Variants in DCC observed in about 807,000 individuals in gnomAD.
DCC encodes netrin receptor DCC.
Under a neutral mutation model 172.5 loss-of-function variants are expected in DCC, and 58 were observed. The ratio of observed to expected loss-of-function variants is 0.34; its 90% CI spans 0.27 to 0.42. DCC has a LOEUF of 0.42. Among genes scored for constraint, DCC ranks in the 10% least tolerant of loss-of-function variants. The pLI, the probability that DCC is intolerant of heterozygous loss-of-function variation, is 1.00. For synonymous variants in DCC, 709 were observed against 644.5 expected, an observed-to-expected ratio of 1.10 and a Z score of -1.52; for missense variants, 1,740 against 1,791.0, an observed-to-expected ratio of 0.97 and a Z score of 0.51.
chr18:52,405,981 T>A (rs1372892564), intron 1 of DCC, among the ~76,000 whole-genome samples: 1 of 150,824 alleles, frequency 6.6e-6, no homozygotes, highest in Non-Finnish European at 1.5e-5. Flanking sequence ...GAGATATAGA[T>A]CAATGGAACA....
intron 1 of DCC, among the ~76,000 whole-genome samples, chr18:52,571,705 G>A (rs755849142): frequency 2.0e-4 from 31 of 152,128 alleles, no homozygotes; most frequent in Non-Finnish European, 3.8e-4. Context: ...AGTGGAGGCT[G>A]GTGAGGTCTT....
chr18:53,414,406 G>A lies in DCC; in HGVS notation c.3131-1718G>A, dbSNP rs567867930. Among the ~76,000 whole-genome samples, 4 of 152,250 alleles carry A rather than the reference G, an allele frequency of 2.6e-5. No individual in the cohort carries two copies. In the South Asian group the frequency reaches 8.3e-4, roughly 32 times the overall value. ...TGGGAGGAAACTTTGGGAGTTTGGGGCAAGTCTGTGGCTTTGAAGGTGGTG... is the reference window on the plus strand; with the variant it reads ...TGGGAGGAAACTTTGGGAGTTTGGGACAAGTCTGTGGCTTTGAAGGTGGTG... On this transcript the variant is annotated intron_variant, in intron 20 of 28. Transcript: ENST00000442544.
chr18:53,153,967 C>T (rs575241684), intron 7 of DCC, among the ~76,000 whole-genome samples: 3 of 152,292 alleles, frequency 2.0e-5, no homozygotes, highest in Middle Eastern at 3.4e-3. Flanking sequence ...CTGAGCTGTT[C>T]GAATATTTGC....
intron 5 of DCC, among the ~76,000 whole-genome samples, chr18:52,983,540 G>T (rs1362656979): frequency 6.6e-6 from 1 of 152,146 alleles, no homozygotes; most frequent in Admixed American, 6.6e-5. Context: ...AAGAGGGTCA[G>T]TTCCCTAGCT....
At chr18:53,026,875 C>G (rs560533953) in intron 5 of DCC, among the ~76,000 whole-genome samples, 174 of 152,128 alleles carry the variant, frequency 1.1e-3, no homozygotes, top group African/African-American at 3.8e-3. Flanking sequence ...CCCCCTCTTT[C>G]TTTAAAAGCA....
chr18:52,828,154 C>A (rs1222352649), intron 2 of DCC, among the ~76,000 whole-genome samples: 1 of 152,164 alleles, frequency 6.6e-6, no homozygotes, highest in Non-Finnish European at 1.5e-5. Context: ...CTCCTCAGTT[C>A]ATACTCTACA....
At chr18:52,748,730 G>A (rs139526114) in intron 1 of DCC, among the ~76,000 whole-genome samples, 173 of 152,322 alleles carry the variant, frequency 1.1e-3, no homozygotes, top group African/African-American at 3.8e-3. Context: ...GATAACTGGA[G>A]AGTGAGCAAG....
rs755118442 is a variant in DCC at position 52,950,929 on chromosome 18, CAAAAAAAAAAAAAAAAAAAAAAAAA to C, written c.985+25577_985+25601del. 5.4e-4 allele frequency among the ~76,000 whole-genome samples: 31 copies of C among 57,424 alleles called. 2 individuals are homozygous for C. In the East Asian group the frequency reaches 0.017, roughly 31 times the overall value. 37.7% of individuals were successfully genotyped at this position (57,424 alleles called of 152,430 possible). A position where few individuals can be genotyped will look rare whatever the true frequency, so the allele number is the denominator to read the frequency against. ...TGGGCGACAGAGTGAGACTCCGTCT[CAAAAAAAAAAAAAAAAAAAAAAAAA>C]AAAAAAAAAAAAAAAAAGTCTGAAT... On this transcript the variant is annotated intron_variant, in intron 5 of 28. Coordinates refer to ENST00000442544, the MANE Select transcript of DCC (RefSeq NM_005215.4).
At chr18:52,543,371 C>T (rs1242674038) in intron 1 of DCC, among the ~76,000 whole-genome samples, 1 of 152,102 alleles carries the variant, frequency 6.6e-6, no homozygotes, top group Non-Finnish European at 1.5e-5. Context: ...GTGTATTTTA[C>T]ACTTAACAGC....
intron 24 of DCC, among the ~76,000 whole-genome samples, chr18:53,464,207 G>A (rs1287107592): frequency 2.0e-5 from 3 of 152,132 alleles, no homozygotes; most frequent in Admixed American, 6.5e-5. Context: ...TCTTGAAATG[G>A]ATTTATCCTA....
At chr18:53,173,190 T>C (rs989347308) in intron 8 of DCC, among the ~76,000 whole-genome samples, 5 of 152,088 alleles carry the variant, frequency 3.3e-5, no homozygotes, top group African/African-American at 9.7e-5. Flanking sequence ...ATGTGGCAAA[T>C]GGGAGCATTG....
intron 1 of DCC, among the ~76,000 whole-genome samples, chr18:52,433,979 G>A (rs1987708295): frequency 6.6e-6 from 1 of 152,132 alleles, no homozygotes; most frequent in Non-Finnish European, 1.5e-5. Context: ...GTAGGTCCAA[G>A]GGAAAAAAGT....
At chr18:52,599,524 A>ATTT (rs2033974839) in intron 1 of DCC, among the ~76,000 whole-genome samples, 1 of 142,420 alleles carries the variant, frequency 7.0e-6, no homozygotes, top group Non-Finnish European at 1.5e-5. Context: ...GTTTATAAAT[A>ATTT]TATTATTTTA....
chr18:53,158,025 C>T (rs986749891), intron 8 of DCC, among the ~76,000 whole-genome samples: 5 of 152,038 alleles, frequency 3.3e-5, no homozygotes, highest in Admixed American at 3.3e-4. Flanking sequence ...GATGGATGCC[C>T]CATTTACCCT....
At chr18:52,668,059 A>AAC (rs765039965) in intron 1 of DCC, among the ~76,000 whole-genome samples, 17 of 80,378 alleles carry the variant, frequency 2.1e-4, no homozygotes, top group South Asian at 1.0e-3. Context: ...AAACAACAAC[A>AAC]AAAAAAAACA....
intron 1 of DCC, among the ~76,000 whole-genome samples, chr18:52,570,916 T>C (rs1344635430): frequency 1.3e-5 from 2 of 152,170 alleles, no homozygotes; most frequent in Non-Finnish European, 2.9e-5. Context: ...GACTAATTAG[T>C]TTTTCTAGCT....
intron 2 of DCC, among the ~76,000 whole-genome samples, chr18:52,815,980 AAACC>A (rs1307583883): frequency 1.3e-5 from 2 of 152,234 alleles, no homozygotes; most frequent in Admixed American, 1.3e-4. Flanking sequence ...AAAAAGAGAT[AAACC>A]AACCAATTAG....
intron 1 of DCC, among the ~76,000 whole-genome samples, chr18:52,680,685 T>C (rs2035733892): frequency 6.6e-6 from 1 of 152,228 alleles, no homozygotes; most frequent in East Asian, 1.9e-4. Context: ...AAATGTTGAA[T>C]GAATGAGTGA....
At chr18:52,672,927 G>A (rs1375297773) in intron 1 of DCC, among the ~76,000 whole-genome samples, 1 of 152,112 alleles carries the variant, frequency 6.6e-6, no homozygotes, top group Non-Finnish European at 1.5e-5. Flanking sequence ...AGCTGAATAT[G>A]GTGATGGTCA....
Sources: allele counts gnomAD v4.1 joint callset (sites outside exome capture counted in the v4.1 genomes callset), GRCh38; gene constraint gnomAD v4.1.1; transcripts MANE v1.5; gene names NCBI Gene and HGNC (gene_info 2026-07-23, HGNC 2026-07-21).